Variants in PRICKLE1 observed in about 807,000 individuals in gnomAD.
PRICKLE1 encodes prickle-like protein 1.
PRICKLE1 carries 14 observed loss-of-function variants against 70.2 expected under a neutral mutation model. The ratio of observed to expected loss-of-function variants is 0.20; its 90% CI spans 0.13 to 0.31. PRICKLE1 has a LOEUF of 0.31. PRICKLE1 is among the 10% of genes least tolerant of loss of function. PRICKLE1 has a pLI of 1.00. For synonymous variants in PRICKLE1, 357 were observed against 379.9 expected, an observed-to-expected ratio of 0.94 and a Z score of 0.70; for missense variants, 821 against 1,026.2, an observed-to-expected ratio of 0.80 and a Z score of 2.73.
At chr12:42,524,285 T>C (rs748028743) in intron 1 of PRICKLE1, among the ~76,000 whole-genome samples, 23 of 152,248 alleles carry the variant, frequency 1.5e-4, no homozygotes, top group Admixed American at 7.2e-4. Context: ...GATTGTTTTT[T>C]CAGAATATTT....
At chr12:42,580,100 C>G (rs534255531) in intron 1 of PRICKLE1, among the ~76,000 whole-genome samples, 1 of 152,088 alleles carries the variant, frequency 6.6e-6, no homozygotes, top group Admixed American at 6.6e-5. Flanking sequence ...GTCTCGAACT[C>G]TTGGCCTCAA....
At chr12:42,505,891 G>T (rs916690346) in intron 1 of PRICKLE1, among the ~76,000 whole-genome samples, 1 of 152,154 alleles carries the variant, frequency 6.6e-6, no homozygotes, top group Non-Finnish European at 1.5e-5. Flanking sequence ...CCAGAAATTT[G>T]CATTTAATGT....
chr12:42,517,335 C>G (rs1375460287), intron 1 of PRICKLE1, among the ~76,000 whole-genome samples: 2 of 72,244 alleles, frequency 2.8e-5, no homozygotes, highest in African/African-American at 1.2e-4. Flanking sequence ...TTTTTTGAGA[C>G]AGAGTCTTGC....
rs76144587 is a variant in PRICKLE1 at position 42,586,390 on chromosome 12, CT to C, written c.-49+3074del. 5.7e-3 allele frequency among the ~76,000 whole-genome samples: 809 copies of C among 142,622 alleles called. 2 individuals are homozygous for C. The highest frequency in any genetic ancestry group is 0.014 in the East Asian group (71 of 4,938). 93.6% of individuals were successfully genotyped at this position (142,622 alleles called of 152,430 possible). On this transcript the variant is annotated intron_variant, in intron 1 of 7. Coordinates refer to ENST00000345127, the MANE Select transcript of PRICKLE1 (RefSeq NM_153026.3). ...AATCACTTTGATTTTTTAAAATTAC[CT>C]TTTTTTTTTTTTTTCCCCAGAGATG...
intron 1 of PRICKLE1, among the ~76,000 whole-genome samples, chr12:42,565,455 A>G (rs1940606251): frequency 6.6e-6 from 1 of 152,142 alleles, no homozygotes; most frequent in Non-Finnish European, 1.5e-5. Context: ...CCCTGCCCCA[A>G]ATTGGTACTT....
intron 1 of PRICKLE1, among the ~76,000 whole-genome samples, chr12:42,527,039 G>C (rs981419433): frequency 2.6e-5 from 4 of 151,312 alleles, no homozygotes; most frequent in African/African-American, 4.9e-5. Context: ...CATATGACTA[G>C]AGCAGTTGAT....
chr12:42,537,632 G>A (rs1347665685), intron 1 of PRICKLE1, among the ~76,000 whole-genome samples: 1 of 152,194 alleles, frequency 6.6e-6, no homozygotes, highest in Non-Finnish European at 1.5e-5. Flanking sequence ...AGTGTTTACT[G>A]TGTACCAGAC....
intron 7 of PRICKLE1, among the ~76,000 whole-genome samples, chr12:42,462,089 C>T (rs1050684881): frequency 1.3e-4 from 20 of 152,290 alleles, no homozygotes; most frequent in East Asian, 5.8e-4. Context: ...TGAGCCACCG[C>T]GCCCGGCCCT....
intron 1 of PRICKLE1, among the ~76,000 whole-genome samples, chr12:42,582,147 T>C (rs1403355888): frequency 3.3e-5 from 5 of 152,208 alleles, no homozygotes; most frequent in Admixed American, 6.5e-5. Flanking sequence ...TTTAAGCTTA[T>C]AGAAGGCCCA....
At chr12:42,581,606 G>A (rs1170135662) in intron 1 of PRICKLE1, among the ~76,000 whole-genome samples, 1 of 152,062 alleles carries the variant, frequency 6.6e-6, no homozygotes, top group South Asian at 2.1e-4. Context: ...AATTAGCCAG[G>A]CGTGGTGGCA....
intron 1 of PRICKLE1, among the ~76,000 whole-genome samples, chr12:42,551,237 A>G (rs897427706): frequency 1.3e-5 from 2 of 152,224 alleles, no homozygotes; most frequent in Non-Finnish European, 2.9e-5. Context: ...AATTGTACAG[A>G]TGGTTGTGAT....
intron 1 of PRICKLE1, among the ~76,000 whole-genome samples, chr12:42,481,018 A>AT (rs1208295981): frequency 6.6e-6 from 1 of 152,196 alleles, no homozygotes; most frequent in African/African-American, 2.4e-5. Context: ...ACACATAGTG[A>AT]CTTGGGGAGG....
At chr12:42,495,490 C>T (rs1247649848) in intron 1 of PRICKLE1, among the ~76,000 whole-genome samples, 2 of 152,084 alleles carry the variant, frequency 1.3e-5, no homozygotes, top group Admixed American at 6.5e-5. Flanking sequence ...CCTCAGCCTC[C>T]CAAGTAGCTG....
At chr12:42,467,434 T>A (rs1318489528) in intron 5 of PRICKLE1, among the ~76,000 whole-genome samples, 1 of 152,012 alleles carries the variant, frequency 6.6e-6, no homozygotes, top group East Asian at 1.9e-4. Context: ...ATTTTTTTTA[T>A]ATTTTTGGTT....
At chr12:42,507,943 G>T (rs1054109409) in intron 1 of PRICKLE1, among the ~76,000 whole-genome samples, 2 of 152,168 alleles carry the variant, frequency 1.3e-5, no homozygotes, top group East Asian at 1.9e-4. Flanking sequence ...ATTTTATCAG[G>T]ATATAAAATG....
chr12:42,476,461 C>T (rs180884007), intron 1 of PRICKLE1, among the ~76,000 whole-genome samples: 2 of 151,794 alleles, frequency 1.3e-5, no homozygotes, highest in Non-Finnish European at 2.9e-5. Context: ...GGATTACAGG[C>T]GTGAGCCACT....
intron 1 of PRICKLE1, among the ~76,000 whole-genome samples, chr12:42,567,781 C>T (rs1296121780): frequency 7.5e-6 from 1 of 132,942 alleles, no homozygotes; most frequent in Non-Finnish European, 1.5e-5. Context: ...GAGCCAAGAT[C>T]GTGCCACTTC....
chr12:42,521,539 A>T (rs1409727439), intron 1 of PRICKLE1, among the ~76,000 whole-genome samples: 2 of 151,930 alleles, frequency 1.3e-5, no homozygotes, highest in African/African-American at 4.8e-5. Flanking sequence ...GTCTCTACAA[A>T]AATTACAAAA....
chr12:42,518,339 C>T (rs545779307), intron 1 of PRICKLE1, among the ~76,000 whole-genome samples: 13 of 152,260 alleles, frequency 8.5e-5, no homozygotes, highest in Non-Finnish European at 1.3e-4. Flanking sequence ...CCACAACAAC[C>T]GGCTGAGGAT....
Sources: allele counts gnomAD v4.1 joint callset (sites outside exome capture counted in the v4.1 genomes callset), GRCh38; gene constraint gnomAD v4.1.1; transcripts MANE v1.5; gene names NCBI Gene and HGNC (gene_info 2026-07-23, HGNC 2026-07-21).